GRM8: variants seen among roughly 807,000 people sequenced by gnomAD.
GRM8 encodes the protein glutamate metabotropic receptor 8.
GRM8 carries 47 observed loss-of-function variants against 87.2 expected under a neutral mutation model. That is an observed-to-expected ratio of 0.54 (90% confidence interval 0.43 to 0.69). GRM8 has a LOEUF of 0.69. Among genes scored for constraint, GRM8 ranks in the 30% least tolerant of loss-of-function variants. GRM8 has a pLI of 0.00. For missense variants in GRM8, 1,019 were observed against 1,139.2 expected, an observed-to-expected ratio of 0.89 and a Z score of 1.52; for synonymous variants, 396 against 404.5, an observed-to-expected ratio of 0.98 and a Z score of 0.25.
At chr7:127,248,142 T>C (rs1462092170) in intron 1 of GRM8, among the ~76,000 whole-genome samples, 1 of 152,200 alleles carries the variant, frequency 6.6e-6, no homozygotes, top group East Asian at 1.9e-4. Flanking sequence ...AAAAAGACCA[T>C]ATTTAAAGTA....
At chr7:126,529,700 G>A (rs1255655952) in intron 9 of GRM8, among the ~76,000 whole-genome samples, 1 of 152,040 alleles carries the variant, frequency 6.6e-6, no homozygotes, top group Non-Finnish European at 1.5e-5. Context: ...TGATTATCTC[G>A]ATTTTATGAG....
At chr7:126,599,675 T>A (rs1449676287) in intron 8 of GRM8, among the ~76,000 whole-genome samples, 1 of 152,108 alleles carries the variant, frequency 6.6e-6, no homozygotes, top group African/African-American at 2.4e-5. Context: ...GTTCTCTAGT[T>A]CCTCAGCCTC....
intron 6 of GRM8, among the ~76,000 whole-genome samples, chr7:126,790,290 G>A (rs1821143707): frequency 6.6e-6 from 1 of 152,188 alleles, no homozygotes; most frequent in African/African-American, 2.4e-5. Context: ...TTACAGGCAT[G>A]AGCCACCACA....
At chr7:126,697,091 G>A (rs923800609) in intron 7 of GRM8, among the ~76,000 whole-genome samples, 1 of 150,798 alleles carries the variant, frequency 6.6e-6, no homozygotes, top group Non-Finnish European at 1.5e-5. Context: ...GACAAACCTG[G>A]AAGACATTAT....
chr7:127,095,175 T>G (rs1824522235), intron 3 of GRM8, among the ~76,000 whole-genome samples: 1 of 152,146 alleles, frequency 6.6e-6, no homozygotes, highest in South Asian at 2.1e-4. Context: ...GAAGTGTAAG[T>G]CAAATGTCTG....
intron 3 of GRM8, among the ~76,000 whole-genome samples, chr7:126,945,907 G>A (rs141634095): frequency 9.2e-5 from 14 of 152,282 alleles, no homozygotes; most frequent in African/African-American, 3.1e-4. Flanking sequence ...AACAGTAGAA[G>A]ACCAAAGAGG....
chr7:127,040,467 G>A (rs1283583173), intron 3 of GRM8, among the ~76,000 whole-genome samples: 1 of 152,096 alleles, frequency 6.6e-6, no homozygotes, highest in Admixed American at 6.6e-5. Flanking sequence ...TGAAACTACA[G>A]AATCATCTCA....
chr7:127,062,182 C>T (rs138220408), intron 3 of GRM8, among the ~76,000 whole-genome samples: 19 of 150,422 alleles, frequency 1.3e-4, no homozygotes, highest in South Asian at 4.3e-4. Context: ...GAAAAGAAGA[C>T]GAAAGGCTAA....
intron 3 of GRM8, among the ~76,000 whole-genome samples, chr7:126,920,865 TG>T (rs530150878): frequency 0.013 from 1,865 of 138,458 alleles, 17 homozygotes; most frequent in Non-Finnish European, 0.021. Context: ...TACAGAAAAT[TG>T]GAAGAGTCTT....
At chr7:126,816,601 A>G (rs916860123) in intron 6 of GRM8, among the ~76,000 whole-genome samples, 1 of 152,054 alleles carries the variant, frequency 6.6e-6, no homozygotes, top group Admixed American at 6.6e-5. Context: ...AATCACCTAA[A>G]TGGATTTGGT....
chr7:126,480,376 T>G (rs1806524761), intron 9 of GRM8, among the ~76,000 whole-genome samples: 2 of 149,168 alleles, frequency 1.3e-5, no homozygotes. Flanking sequence ...AGAGTGAGAT[T>G]CTGTCTCAAT....
chr7:126,857,844 G>A (rs1209576737), intron 6 of GRM8, among the ~76,000 whole-genome samples: 2 of 152,160 alleles, frequency 1.3e-5, no homozygotes, highest in African/African-American at 4.8e-5. Context: ...AGCCACTTAG[G>A]AGGCTGAGGT....
At chr7:126,902,048 A>G (rs1802135725) in intron 6 of GRM8, among the ~76,000 whole-genome samples, 1 of 152,230 alleles carries the variant, frequency 6.6e-6, no homozygotes, top group Non-Finnish European at 1.5e-5. Context: ...ATTTTTAAGC[A>G]CAAGCTATGG....
chr7:126,735,635 C>T (rs960225787), intron 7 of GRM8, among the ~76,000 whole-genome samples: 1 of 151,964 alleles, frequency 6.6e-6, no homozygotes, highest in Non-Finnish European at 1.5e-5. Flanking sequence ...ATGTTGTTAC[C>T]GAGATTAAGA....
At chr7:126,469,114 A>G (rs887244615) in intron 9 of GRM8, among the ~76,000 whole-genome samples, 1 of 152,106 alleles carries the variant, frequency 6.6e-6, no homozygotes, top group Admixed American at 6.6e-5. Context: ...CACCTAATAA[A>G]GGACACACTT....
chr7:127,096,884 C>T (rs1232041632), intron 3 of GRM8, among the ~76,000 whole-genome samples: 1 of 152,094 alleles, frequency 6.6e-6, no homozygotes, highest in Non-Finnish European at 1.5e-5. Flanking sequence ...TTACAGTAAC[C>T]CCCGAAGGTT....
intron 3 of GRM8, among the ~76,000 whole-genome samples, chr7:126,917,279 T>C (rs547727801): frequency 2.7e-4 from 41 of 152,248 alleles, no homozygotes; most frequent in African/African-American, 8.2e-4. Context: ...CCCAGCATAA[T>C]TCTTTGAAGG....
intron 3 of GRM8, among the ~76,000 whole-genome samples, chr7:127,099,291 G>A (rs1824990495): frequency 6.6e-6 from 1 of 152,178 alleles, no homozygotes; most frequent in South Asian, 2.1e-4. Context: ...TTAACCAGCA[G>A]CAACTAAGCT....
intron 2 of GRM8, among the ~76,000 whole-genome samples, chr7:127,230,816 G>T (rs1797641197): frequency 6.6e-6 from 1 of 151,938 alleles, no homozygotes; most frequent in Non-Finnish European, 1.5e-5. Flanking sequence ...CCAGAAATGT[G>T]AGGGGAAAAA....
Sources: gnomAD v4.1 joint callset for allele counts (sites outside exome capture counted in the v4.1 genomes callset) on GRCh38, gnomAD v4.1.1 for gene constraint, MANE v1.5 for transcripts, NCBI Gene and HGNC (gene_info 2026-07-23, HGNC 2026-07-21) for gene names.